DENND1B: variants seen among roughly 807,000 people sequenced by gnomAD.
The protein encoded by DENND1B is DENN domain-containing protein 1B.
Under a neutral mutation model 90.1 loss-of-function variants are expected in DENND1B, and 59 were observed. The ratio of observed to expected loss-of-function variants is 0.65; its 90% confidence interval spans 0.53 to 0.81. DENND1B has a LOEUF of 0.81. Ranked by LOEUF, DENND1B falls within the 40% of genes least tolerant of loss-of-function variation. DENND1B has a pLI of 0.00. For missense variants in DENND1B, 862 were observed against 912.6 expected, an observed-to-expected ratio of 0.94 and a Z score of 0.71; for synonymous variants, 337 against 324.6, an observed-to-expected ratio of 1.04 and a Z score of -0.41.
At chr1:197,696,893 C>CAAA (rs533976295) in intron 3 of DENND1B, among the ~76,000 whole-genome samples, 5 of 106,944 alleles carry the variant, frequency 4.7e-5, no homozygotes, top group African/African-American at 1.7e-4. Context: ...CAGAGACATG[C>CAAA]AAAAAAAAAA....
At chr1:197,589,002 A>G (rs1674954156) in intron 14 of DENND1B, among the ~76,000 whole-genome samples, 3 of 152,140 alleles carry the variant, frequency 2.0e-5, no homozygotes, top group African/African-American at 4.8e-5. Context: ...TGTTCTATTT[A>G]CCTATGATTC....
chr1:197,557,166 C>A (rs1671785459), intron 15 of DENND1B, among the ~76,000 whole-genome samples: 1 of 151,892 alleles, frequency 6.6e-6, no homozygotes, highest in African/African-American at 2.4e-5. Flanking sequence ...ATTTGACTTG[C>A]ACACATTTGT....
intron 7 of DENND1B, among the ~76,000 whole-genome samples, chr1:197,648,247 T>C (rs928688172): frequency 6.6e-6 from 1 of 152,108 alleles, no homozygotes; most frequent in Admixed American, 6.6e-5. Context: ...AAAACAACTT[T>C]CTCAAAAGTT....
At chr1:197,547,445 T>C (rs912004980) in intron 16 of DENND1B, among the ~76,000 whole-genome samples, 5 of 152,174 alleles carry the variant, frequency 3.3e-5, no homozygotes, top group African/African-American at 9.7e-5. Context: ...GCTGTTATCT[T>C]TGCATCCCTA....
At chr1:197,622,113 C>T (rs1678225538) in intron 10 of DENND1B, among the ~76,000 whole-genome samples, 1 of 151,314 alleles carries the variant, frequency 6.6e-6, no homozygotes, top group Non-Finnish European at 1.5e-5. Context: ...TTAACTCAGT[C>T]ATAGAACAAA....
In DENND1B at chr1:197,531,386, CTT is replaced by C. The variant is rs1448393506; in HGVS notation, c.1515+8576_1515+8577del. On this transcript the variant is annotated intron_variant, in intron 20 of 22. Transcript: ENST00000620048. ...CAATTAAATTCACCACATAACAAAT[CTT>C]TTTTTTTTTTTTTTTTCTTTTTTTT... Among the ~76,000 whole-genome samples the C allele has an allele frequency of 6.7e-3, 23 of 3,446 alleles. 1 individual carries two copies. The highest frequency in any genetic ancestry group is 9.8e-3 in the Admixed American group (1 of 102). The allele number at this position is 3,446 out of a possible 152,430, so 2.3% of individuals were successfully genotyped here.
chr1:197,545,796 A>T, intron 18 of DENND1B, 126 bp downstream of exon 18: 1 of 791,052 alleles, frequency 1.3e-6, no homozygotes, highest in Non-Finnish European at 2.0e-6. Flanking sequence ...GGTCAATATT[A>T]ATCCTAATTT....
intron 10 of DENND1B, among the ~76,000 whole-genome samples, 172 bp from the exon 11 acceptor site, chr1:197,617,931 T>A (rs750130055): frequency 6.6e-6 from 1 of 151,162 alleles, no homozygotes; most frequent in Non-Finnish European, 1.5e-5. Context: ...CAGAGGCCCC[T>A]CTGAAACATA....
intron 15 of DENND1B, among the ~76,000 whole-genome samples, chr1:197,577,432 G>A (rs763187098): frequency 4.7e-4 from 72 of 152,246 alleles, no homozygotes; most frequent in South Asian, 1.2e-3. Flanking sequence ...GGGGCACTCT[G>A]TTGGATAGAA....
At chr1:197,617,018 A>AG (rs1167039396) in intron 11 of DENND1B, among the ~76,000 whole-genome samples, 1 of 151,044 alleles carries the variant, frequency 6.6e-6, no homozygotes, top group African/African-American at 2.4e-5. Context: ...GAGAACAAGG[A>AG]GGGTCTAGAG....
At chr1:197,583,647 C>CT (rs1558270611) in intron 14 of DENND1B, among the ~76,000 whole-genome samples, 1 of 152,138 alleles carries the variant, frequency 6.6e-6, no homozygotes, top group Non-Finnish European at 1.5e-5. Context: ...ATTTGACATT[C>CT]GCACTTAGTT....
chr1:197,634,293 G>A (rs897985279), intron 10 of DENND1B, among the ~76,000 whole-genome samples: 7 of 152,146 alleles, frequency 4.6e-5, no homozygotes, highest in African/African-American at 1.7e-4. Context: ...AACTTTCCTT[G>A]TTCAAATTAC....
At chr1:197,727,070 TAAA>T (rs1661706391) in intron 2 of DENND1B, among the ~76,000 whole-genome samples, 1 of 152,212 alleles carries the variant, frequency 6.6e-6, no homozygotes, top group Non-Finnish European at 1.5e-5. Context: ...AGAATTTCCT[TAAA>T]CTAATAATGG....
intron 3 of DENND1B, among the ~76,000 whole-genome samples, chr1:197,695,511 A>G (rs1658340792): frequency 1.3e-5 from 2 of 151,078 alleles, no homozygotes; most frequent in African/African-American, 4.8e-5. Context: ...TTAATTAAAC[A>G]TTAAGAAATC....
At chr1:197,663,235 G>C (rs954017669) in intron 5 of DENND1B, among the ~76,000 whole-genome samples, 1 of 152,082 alleles carries the variant, frequency 6.6e-6, no homozygotes, top group African/African-American at 2.4e-5. Context: ...TGTTACATCA[G>C]TATGTACTAT....
chr1:197,769,506 T>C (rs980610843), intron 2 of DENND1B, among the ~76,000 whole-genome samples: 1 of 152,172 alleles, frequency 6.6e-6, no homozygotes, highest in East Asian at 1.9e-4. Flanking sequence ...GCAAGAAATC[T>C]AAGCCCTCCA....
chr1:197,544,813 GGAAGAGGAGGAA>G (rs1670611570), intron 18 of DENND1B, among the ~76,000 whole-genome samples: 1 of 134,658 alleles, frequency 7.4e-6, no homozygotes, highest in African/African-American at 2.8e-5. Flanking sequence ...AAGAAGAAGA[GGAAGAGGAGGAA>G]GAAGAGGAAG....
rs147914128 is a variant in DENND1B at position 197,730,890 on chromosome 1, T to A, written c.83-15816A>T. Among the ~76,000 whole-genome samples, 570 of 152,210 alleles carry A rather than the reference T, an allele frequency of 3.7e-3. 1 individual carries two copies. The highest frequency in any genetic ancestry group is 0.013 in the African/African-American group (548 of 41,582). On this transcript the variant is annotated intron_variant, in intron 2 of 22. Coordinates refer to ENST00000620048, the MANE Select transcript of DENND1B (RefSeq NM_001195215.2). ...ATATAAATTATATATGTATATTATT[T>A]GACATTTTTGAGATGTCTGAATTTT...
At chr1:197,762,290 G>A (rs886905840) in intron 2 of DENND1B, among the ~76,000 whole-genome samples, 35 of 150,254 alleles carry the variant, frequency 2.3e-4, no homozygotes, top group African/African-American at 8.4e-4. Flanking sequence ...TTTTTGAGAC[G>A]GAGTCTCGCT....
Sources: gnomAD v4.1 joint callset for allele counts (sites outside exome capture counted in the v4.1 genomes callset) on GRCh38, gnomAD v4.1.1 for gene constraint, MANE v1.5 for transcripts, NCBI Gene and HGNC (gene_info 2026-07-23, HGNC 2026-07-21) for gene names.